The following CEP135 variants were observed in gnomAD, a reference collection of about 807,000 sequenced individuals.
CEP135 encodes the protein centrosomal protein 135.
In CEP135, 142 loss-of-function variants were observed where a neutral mutation model predicts 157.3. The ratio of observed to expected loss-of-function variants is 0.90; its 90% CI spans 0.79 to 1.04. CEP135 has a LOEUF of 1.04. Among genes scored for constraint, CEP135 ranks in the 50% least tolerant of loss-of-function variants. CEP135 has a pLI of 0.00. For synonymous variants in CEP135, 396 were observed against 439.8 expected, an observed-to-expected ratio of 0.90 and a Z score of 1.25; for missense variants, 1,317 against 1,309.2, an observed-to-expected ratio of 1.01 and a Z score of -0.09.
At chr4:55,974,635 A>C (rs977397675) in intron 10 of CEP135, 111 bp from the exon 11 acceptor site, 6 of 757,180 alleles carry the variant, frequency 7.9e-6, no homozygotes, top group Middle Eastern at 3.8e-4. Context: ...TATGTAGAAC[A>C]GTTCATGATT....
intron 14 of CEP135, among the ~76,000 whole-genome samples, chr4:55,990,436 A>G (rs1373982427): frequency 6.6e-6 from 1 of 151,988 alleles, no homozygotes; most frequent in Non-Finnish European, 1.5e-5. Flanking sequence ...TTATTTTTGT[A>G]TGTAAAATAA....
intron 6 of CEP135, among the ~76,000 whole-genome samples, chr4:55,963,327 A>G (rs1005199826): frequency 6.6e-6 from 1 of 152,202 alleles, no homozygotes; most frequent in African/African-American, 2.4e-5. Context: ...TTCTTCAGAC[A>G]TCTCCAACTA....
intron 21 of CEP135, among the ~76,000 whole-genome samples, chr4:56,015,072 T>A (rs1730725197): frequency 1.3e-5 from 2 of 152,094 alleles, no homozygotes; most frequent in African/African-American, 4.8e-5. Flanking sequence ...AAACCAGGAC[T>A]TGATGATTTT....
chr4:55,957,391 T>C, intron 5 of CEP135, 27 bp downstream of exon 5: 1 of 1,597,930 alleles, frequency 6.3e-7, no homozygotes, highest in Non-Finnish European at 8.5e-7. Context: ...TTTCTTGGCT[T>C]GAGTTAATTG....
At chr4:55,976,040 A>G (rs1729200863) in intron 11 of CEP135, among the ~76,000 whole-genome samples, 1 of 152,160 alleles carries the variant, frequency 6.6e-6, no homozygotes, top group African/African-American at 2.4e-5. Context: ...ACTTGAGGCC[A>G]GGAGTTCGAG....
At chr4:55,962,138 C>T (rs533431523) in intron 6 of CEP135, among the ~76,000 whole-genome samples, 5 of 151,908 alleles carry the variant, frequency 3.3e-5, no homozygotes, top group Non-Finnish European at 5.9e-5. Flanking sequence ...CTCCCTCTGT[C>T]GCCCATGCTG....
intron 17 of CEP135, among the ~76,000 whole-genome samples, chr4:56,007,846 T>G (rs1730410051): frequency 6.6e-6 from 1 of 152,200 alleles, no homozygotes; most frequent in South Asian, 2.1e-4. Context: ...CGTCCTCATA[T>G]TTGAGTCCTG....
chr4:56,016,391 A>G (rs1157400534), intron 21 of CEP135, among the ~76,000 whole-genome samples: 2 of 152,210 alleles, frequency 1.3e-5, no homozygotes, highest in Non-Finnish European at 2.9e-5. Flanking sequence ...TAAGAAGGGT[A>G]TAATAACTAA....
At chr4:56,014,162 T>G (rs1228862874) in intron 21 of CEP135, among the ~76,000 whole-genome samples, 3 of 152,222 alleles carry the variant, frequency 2.0e-5, no homozygotes, top group African/African-American at 4.8e-5. Flanking sequence ...TTCTATTTTT[T>G]TAGGCCACAC....
rs750392584 is a variant in CEP135, at chr4:55,957,252, C to T, written c.502C>T (p.Arg168Cys). The T allele has an allele frequency of 3.9e-5, 63 of 1,613,824 alleles. No homozygotes were observed. The Middle Eastern group carries it at 9.9e-4, about 25-fold the overall frequency. Residue 168 changes from arginine to cysteine, a missense_variant, in exon 5 of 26, where the codon CGC becomes TGC. Physicochemically the swap from Arg to Cys is radical, Grantham distance 180. Coordinates refer to ENST00000257287, the MANE Select transcript of CEP135 (RefSeq NM_025009.5). ...GGKKRSIAFR[R>C]QRMQIDEPVP... ...CAAGAAAAGAAGTATTGCTTTCAGG[C>T]GCCAGCGTATGCAAATTGATGAACC...
intron 8 of CEP135, among the ~76,000 whole-genome samples, chr4:55,967,474 T>C (rs944479887): frequency 6.6e-6 from 1 of 152,076 alleles, no homozygotes; most frequent in African/African-American, 2.4e-5. Context: ...ATGCCCTTCT[T>C]TGAACATTGA....
intron 6 of CEP135, among the ~76,000 whole-genome samples, chr4:55,963,000 A>AG (rs1396366044): frequency 6.6e-6 from 1 of 151,174 alleles, no homozygotes; most frequent in African/African-American, 2.4e-5. Context: ...CTTGTACTGA[A>AG]CTTTTTCTCT....
chr4:56,021,984 C>T (rs1202803258), intron 24 of CEP135, among the ~76,000 whole-genome samples: 3 of 152,080 alleles, frequency 2.0e-5, no homozygotes, highest in African/African-American at 7.2e-5. Flanking sequence ...GAGCTGTGAT[C>T]GTGCCACTGC....
chr4:55,953,404 G>T, intron 3 of CEP135, 129 bp downstream of exon 3: 1 of 638,920 alleles, frequency 1.6e-6, no homozygotes, highest in Non-Finnish European at 2.4e-6. Context: ...GATGGTGTGT[G>T]CCTATAGTCC....
At chr4:55,983,322 T>A (rs1729472681) in intron 13 of CEP135, among the ~76,000 whole-genome samples, 1 of 152,220 alleles carries the variant, frequency 6.6e-6, no homozygotes, top group Non-Finnish European at 1.5e-5. Flanking sequence ...ATTATCAGAA[T>A]CCTTCTGGGT....
Position 56,013,956 on chromosome 4 carries a change from G to A in CEP135, c.2802+1971G>A, listed in dbSNP as rs564734996. The stretch of plus-strand genomic sequence containing the variant: ...ATATTTGGACACAGAAAACACAGGA[G>A]AGAACACCACGTAAAGATGGAGGCA... On this transcript the variant is annotated intron_variant, in intron 21 of 25. Coordinates refer to ENST00000257287, the MANE Select transcript of CEP135 (RefSeq NM_025009.5). Among the ~76,000 whole-genome samples, 4 of 152,238 alleles carry A rather than the reference G, an allele frequency of 2.6e-5. No homozygotes were observed. The South Asian group carries it at 8.3e-4, about 32-fold the overall frequency.
chr4:55,974,869 A>G lies in CEP135; in HGVS notation c.1373A>G (p.Lys458Arg), dbSNP rs767750797. 1.9e-6 allele frequency: 3 copies of G among 1,613,920 alleles called. No individual in the cohort carries two copies. The highest frequency in any genetic ancestry group is 2.2e-5 in the East Asian group (1 of 44,828). ...ATAGAAGAAGAACGAGATTATTATAAGAAAGAGCTAGAGAGACTCCAACAT... is the reference window on the plus strand; with the variant it reads ...ATAGAAGAAGAACGAGATTATTATAGGAAAGAGCTAGAGAGACTCCAACAT... ...KGIEEERDYY[K>R]KELERLQHII... The change falls in exon 11 of 26, where the codon AAG becomes AGG. Residue 458 changes from lysine to arginine, a missense_variant. By Grantham distance (26) the Lys-to-Arg change is conservative. Transcript: ENST00000257287.
In CEP135 at chr4:56,013,301, G is replaced by A. The variant is rs188945655; in HGVS notation, c.2802+1316G>A. ...TGGAGATTAATACCTTAGTGTATAC[G>A]TGATTTGCAAATATTTTCTCCCATT... is the stretch of plus-strand genomic sequence containing the variant. On this transcript the variant is annotated intron_variant, in intron 21 of 25. Coordinates refer to ENST00000257287, the MANE Select transcript of CEP135 (RefSeq NM_025009.5). 1.2e-3 allele frequency among the ~76,000 whole-genome samples: 188 copies of A among 152,158 alleles called. 1 individual carries two copies. The highest frequency in any genetic ancestry group is 2.2e-3 in the African/African-American group (91 of 41,524).
intron 13 of CEP135, among the ~76,000 whole-genome samples, chr4:55,984,974 C>T (rs890990144): frequency 6.6e-6 from 1 of 152,064 alleles, no homozygotes; most frequent in Non-Finnish European, 1.5e-5. Flanking sequence ...TGGTTTTGTC[C>T]TTTTATAGTT....
Sources: allele counts gnomAD v4.1 joint callset (sites outside exome capture counted in the v4.1 genomes callset), GRCh38; gene constraint gnomAD v4.1.1; transcripts MANE v1.5; gene names NCBI Gene and HGNC (gene_info 2026-07-23, HGNC 2026-07-21).